Variants in RABGAP1L observed in about 807,000 individuals in gnomAD.
RABGAP1L encodes rab GTPase-activating protein 1-like.
RABGAP1L carries 63 observed loss-of-function variants against 137.7 expected under a neutral mutation model. The ratio of observed to expected loss-of-function variants is 0.46; its 90% confidence interval spans 0.37 to 0.56. RABGAP1L has a LOEUF of 0.56. RABGAP1L is among the 20% of genes least tolerant of loss of function. The pLI is 0.00. For missense variants in RABGAP1L, 1,095 were observed against 1,244.0 expected, an observed-to-expected ratio of 0.88 and a Z score of 1.80; for synonymous variants, 431 against 433.7, an observed-to-expected ratio of 0.99 and a Z score of 0.08.
At chr1:174,486,239 TGTCTGGCTAAATG>T (rs1558274582) in intron 13 of RABGAP1L, among the ~76,000 whole-genome samples, 7 of 134,652 alleles carry the variant, frequency 5.2e-5, no homozygotes, top group Non-Finnish European at 6.3e-5. Flanking sequence ...TTTTTTTTTT[TGTCTGGCTAAATG>T]TTTGTCAATT....
intron 20 of RABGAP1L, chr1:174,958,174 G>A (rs1363372197): frequency 2.8e-6 from 4 of 1,426,644 alleles, no homozygotes; most frequent in South Asian, 2.4e-5. Context: ...AATCACAAAG[G>A]TATATTGAGC....
intron 20 of RABGAP1L, among the ~76,000 whole-genome samples, chr1:174,959,548 T>G (rs1331369565): frequency 6.6e-6 from 1 of 152,190 alleles, no homozygotes; most frequent in African/African-American, 2.4e-5. Flanking sequence ...TATGTATAGT[T>G]TTTATTGAGA....
At chr1:174,889,215 C>T (rs924504302) in intron 19 of RABGAP1L, among the ~76,000 whole-genome samples, 1 of 151,622 alleles carries the variant, frequency 6.6e-6, no homozygotes, top group Non-Finnish European at 1.5e-5. Flanking sequence ...CCTCCGCCTC[C>T]GGGGTTCAAG....
chr1:174,641,654 A>G (rs969178535), intron 14 of RABGAP1L, among the ~76,000 whole-genome samples: 8 of 152,144 alleles, frequency 5.3e-5, no homozygotes, highest in African/African-American at 1.9e-4. Flanking sequence ...AAAATCTGCT[A>G]TAAGTTGGGA....
intron 14 of RABGAP1L, among the ~76,000 whole-genome samples, chr1:174,673,987 G>A (rs1677378871): frequency 6.6e-6 from 1 of 151,426 alleles, no homozygotes; most frequent in African/African-American, 2.4e-5. Flanking sequence ...AGCAAAGGAT[G>A]ACTTTTACTG....
At chr1:174,478,056 GTATT>G (rs778788414) in intron 13 of RABGAP1L, among the ~76,000 whole-genome samples, 18 of 151,676 alleles carry the variant, frequency 1.2e-4, no homozygotes, top group East Asian at 9.6e-4. Flanking sequence ...TGTACATAAA[GTATT>G]TATGAGGCAG....
chr1:174,737,883 C>T (rs1241043075), intron 17 of RABGAP1L, among the ~76,000 whole-genome samples: 2 of 152,128 alleles, frequency 1.3e-5, no homozygotes, highest in Admixed American at 6.6e-5. Context: ...GTGCCACACA[C>T]TTTTAAACAA....
chr1:174,723,949 T>G (rs1681787951), intron 17 of RABGAP1L, among the ~76,000 whole-genome samples: 1 of 152,200 alleles, frequency 6.6e-6, no homozygotes, highest in African/African-American at 2.4e-5. Context: ...AGAGTCAAAA[T>G]AGTTGTGTTG....
intron 13 of RABGAP1L, among the ~76,000 whole-genome samples, chr1:174,541,604 G>A (rs1258576609): frequency 6.6e-6 from 1 of 152,162 alleles, no homozygotes; most frequent in Admixed American, 6.5e-5. Context: ...GTGAAACTCT[G>A]TATCTACTAA....
At chr1:174,195,731 T>TTTC (rs1491166844) in intron 1 of RABGAP1L, among the ~76,000 whole-genome samples, 3,166 of 84,354 alleles carry the variant, frequency 0.038, 93 homozygotes, top group Non-Finnish European at 0.042. Context: ...CTTTTCTTTC[T>TTTC]TTTCTTTCTT....
Position 174,185,065 on chromosome 1 carries a change from G to A in RABGAP1L, c.-34+25408G>A, listed in dbSNP as rs187581185. Among the ~76,000 whole-genome samples, 272 of 152,308 alleles carry A rather than the reference G, an allele frequency of 1.8e-3. 2 individuals are homozygous for A. Among genetic ancestry groups the A allele is most frequent in the Non-Finnish European group, 1.1e-3 (72 of 68,026 alleles). ...CTTGTTGTTTGCTCTATAGGGCAAT[G>A]ATTCTTGACCTCTTTGGGTTATAGA... On this transcript the variant is annotated intron_variant, in intron 1 of 25. Transcript: ENST00000681986.
intron 14 of RABGAP1L, among the ~76,000 whole-genome samples, chr1:174,679,341 A>G (rs1677878173): frequency 6.6e-6 from 1 of 152,194 alleles, no homozygotes; most frequent in African/African-American, 2.4e-5. Context: ...TCTCAATTGC[A>G]ATAGACGCAT....
chr1:174,859,958 T>A (rs1369788949), intron 19 of RABGAP1L, among the ~76,000 whole-genome samples: 2 of 121,998 alleles, frequency 1.6e-5, no homozygotes, highest in African/African-American at 8.9e-5. Context: ...CAATGCTTTT[T>A]TTTTTTTTTT....
intron 13 of RABGAP1L, among the ~76,000 whole-genome samples, chr1:174,560,078 G>T (rs1173077076): frequency 2.6e-5 from 4 of 151,730 alleles, no homozygotes; most frequent in Admixed American, 2.0e-4. Context: ...AGGTTGCAGT[G>T]AGCTGAGACC....
chr1:174,224,833 A>G (rs1303279386), intron 3 of RABGAP1L, among the ~76,000 whole-genome samples: 3 of 152,206 alleles, frequency 2.0e-5, no homozygotes, highest in East Asian at 1.9e-4. Flanking sequence ...GATTTGAATC[A>G]TTGTTCTCCT....
intron 4 of RABGAP1L, among the ~76,000 whole-genome samples, chr1:174,234,971 G>T (rs1361019294): frequency 1.7e-5 from 2 of 114,862 alleles, no homozygotes; most frequent in Non-Finnish European, 3.5e-5. Context: ...TCTCCTTGAG[G>T]AGGTCCTTCA....
intron 17 of RABGAP1L, among the ~76,000 whole-genome samples, chr1:174,727,713 C>G (rs576535838): frequency 6.6e-6 from 1 of 152,242 alleles, no homozygotes; most frequent in South Asian, 2.1e-4. Flanking sequence ...ACAAATGTTT[C>G]AGGTGATGGA....
chr1:174,811,809 G>T, intron 18 of RABGAP1L, 23 bp from the exon 19 acceptor site: 1 of 1,513,596 alleles, frequency 6.6e-7, no homozygotes, highest in South Asian at 1.4e-5. Context: ...ATGTAATGAC[G>T]ATTCTTGATG....
At chr1:174,207,921 A>G (rs1023421958) in intron 1 of RABGAP1L, among the ~76,000 whole-genome samples, 6 of 152,170 alleles carry the variant, frequency 3.9e-5, no homozygotes, top group African/African-American at 1.2e-4. Flanking sequence ...TCAGTGCTCA[A>G]TCAGTCTCAA....
Sources: allele counts gnomAD v4.1 joint callset (sites outside exome capture counted in the v4.1 genomes callset), GRCh38; gene constraint gnomAD v4.1.1; transcripts MANE v1.5; gene names NCBI Gene and HGNC (gene_info 2026-07-23, HGNC 2026-07-21).